ATR: variants seen among roughly 807,000 people sequenced by gnomAD.
The protein encoded by ATR is ATR checkpoint kinase.
A neutral mutation model predicts 305.3 loss-of-function variants in ATR; 142 were observed. That is an observed-to-expected ratio of 0.47 (90% CI 0.41 to 0.53). ATR has a LOEUF of 0.53. ATR is among the 20% of genes least tolerant of loss of function. The pLI is 0.00. For missense variants in ATR, 2,135 were observed against 3,133.1 expected, an observed-to-expected ratio of 0.68 and a Z score of 7.60; for synonymous variants, 1,050 against 1,068.1, an observed-to-expected ratio of 0.98 and a Z score of 0.33.
At chr3:142,576,629 T>C (rs1176639352) in intron 1 of ATR, among the ~76,000 whole-genome samples, 1 of 151,724 alleles carries the variant, frequency 6.6e-6, no homozygotes, top group African/African-American at 2.4e-5. Flanking sequence ...AGCTAGGACA[T>C]GTGGGGAATT....
intron 16 of ATR, among the ~76,000 whole-genome samples, chr3:142,544,145 G>A (rs2034169303): frequency 6.6e-6 from 1 of 152,012 alleles, no homozygotes; most frequent in Admixed American, 6.6e-5. Context: ...GCATAGAGTT[G>A]TTGTAAAGGC....
intron 30 of ATR, among the ~76,000 whole-genome samples, chr3:142,502,373 T>G (rs923937042): frequency 6.8e-6 from 1 of 148,022 alleles, no homozygotes; most frequent in African/African-American, 2.5e-5. Flanking sequence ...CACAATGGAA[T>G]ACTATGCAGC....
rs181810741 is a variant in ATR, at chr3:142,574,696, G to A, written c.59+3950C>T. Among the ~76,000 whole-genome samples the A allele has an allele frequency of 2.6e-5, 4 of 152,272 alleles. No homozygotes were observed. The East Asian group carries it at 7.7e-4, about 29-fold the overall frequency. Reference sequence around the variant, plus strand: ...GCCCTAAAATAATTTGCAGATTAAAGGACAAACAAGAGGTAATTATGGTTA... The same window carrying A: ...GCCCTAAAATAATTTGCAGATTAAAAGACAAACAAGAGGTAATTATGGTTA... On this transcript the variant is annotated intron_variant, in intron 1 of 46. Transcript: ENST00000350721.
chr3:142,549,796 A>C, intron 14 of ATR, 123 bp from the exon 15 acceptor site: 2 of 862,778 alleles, frequency 2.3e-6, no homozygotes, highest in Non-Finnish European at 3.7e-6. Flanking sequence ...CCATACTATA[A>C]AATATGTAAT....
chr3:142,487,373 G>A (rs1234913446), intron 35 of ATR, among the ~76,000 whole-genome samples: 3 of 152,176 alleles, frequency 2.0e-5, no homozygotes, highest in East Asian at 3.8e-4. Context: ...CTCAGCTCAA[G>A]CAATCCGCCT....
At chr3:142,546,932 G>A (rs985252278) in intron 16 of ATR, among the ~76,000 whole-genome samples, 7 of 152,132 alleles carry the variant, frequency 4.6e-5, no homozygotes, top group African/African-American at 9.7e-5. Context: ...ATGAACTTAT[G>A]TCTAGTATTC....
At position 142,562,787 on chromosome 3, in the gene ATR, A is replaced by G. The variant is rs751950727; in HGVS notation, c.615T>C (p.Ile205=). ...QLMSMQNLEF[I]EVTLLMVLTR... ...TAAGAACCATTAATAAAGTGACTTC[A>G]ATAAATTCTAAATTTTGCATACTCA... Residue 205 remains isoleucine, a synonymous_variant, in exon 4 of 47, where the codon ATT becomes ATC. Coordinates refer to ENST00000350721, the MANE Select transcript of ATR (RefSeq NM_001184.4). 1.2e-6 allele frequency: 2 copies of G among 1,607,164 alleles called. No individual in the cohort carries two copies. Among genetic ancestry groups the G allele is most frequent in the Admixed American group, 1.7e-5 (1 of 58,628 alleles).
rs117926957 is a variant in ATR, at chr3:142,553,344, C to T, written c.2688G>A (p.Leu896=). ...CAGAGACAGATGCTGACTTGGATAA[C>T]AAACAATGCAATAAGTGTAAGAGTG... ...PFALLHLLHC[L]LSKSASVSGA... The change falls in exon 13 of 47, where the codon TTG becomes TTA. Residue 896 remains leucine (L), a synonymous_variant. Transcript: ENST00000350721. 643 of 1,613,862 alleles carry T rather than the reference C, an allele frequency of 4.0e-4. 9 individuals are homozygous for T. The East Asian group carries it at 0.011, about 27-fold the overall frequency.
At position 142,518,425 on chromosome 3, in the gene ATR, G is replaced by A. The variant is rs150545475; in HGVS notation, c.4382+1244C>T. ...CCAGCTACTTGGGAGACTGAGGCAG[G>A]AGAATCACTTGAACCCAGGAGGTAG... On this transcript the variant is annotated intron_variant, in intron 24 of 46. Coordinates refer to ENST00000350721, the MANE Select transcript of ATR (RefSeq NM_001184.4). 6.1e-3 allele frequency among the ~76,000 whole-genome samples: 927 copies of A among 152,280 alleles called. 9 individuals carry two copies. The highest frequency in any genetic ancestry group is 0.02 in the African/African-American group (846 of 41,566).
rs1159930957 is a variant in ATR at position 142,553,253 on chromosome 3, T to C, written c.2779A>G (p.Ser927Gly). Reference protein sequence around the residue: ...AKSVKLQSFFSQYKKPICQFL... With the variant: ...AKSVKLQSFFGQYKKPICQFL... ...TGACAGATGGGTTTCTTATACTGGCTGAAAAAACTTTGCAGTTTAACACTT... is the reference window on the plus strand; with the variant it reads ...TGACAGATGGGTTTCTTATACTGGCCGAAAAAACTTTGCAGTTTAACACTT... Residue 927 changes from serine (S) to glycine (G), a missense_variant, in exon 13 of 47, where the codon AGC (serine) becomes GGC (glycine). Coordinates refer to ENST00000350721, the MANE Select transcript of ATR (RefSeq NM_001184.4). 1.9e-6 allele frequency: 3 copies of C among 1,614,062 alleles called. No individual in the cohort carries two copies. The highest frequency in any genetic ancestry group is 2.7e-5 in the African/African-American group (2 of 74,924).
rs1232235665 is a variant in ATR, at chr3:142,535,196, C to A, written c.3829G>T (p.Glu1277Ter). Reference sequence around the variant, plus strand: ...AGAGTTGTCTGAAGATCAGTGCTCTCAGAGGTCTCCTATATACAAAGCACA... The same window carrying A: ...AGAGTTGTCTGAAGATCAGTGCTCTAAGAGGTCTCCTATATACAAAGCACA... The part of the protein sequence containing the change: ...VLQEYRKETS[E>*]STDLQTTLQL... The change falls in exon 21 of 47, where the codon GAG becomes TAG. Residue 1277 changes from glutamate (E) to a stop codon, truncating the protein, a stop_gained. Transcript: ENST00000350721. LOFTEE classifies it high-confidence loss of function. The A allele has an allele frequency of 6.2e-7, 1 of 1,613,110 alleles. No homozygotes were observed. The highest frequency in any genetic ancestry group is 8.5e-7 in the Non-Finnish European group (1 of 1,179,368).
In ATR at chr3:142,457,033, A is replaced by G. The variant is rs199794714; in HGVS notation, c.7655+571T>C. Among the ~76,000 whole-genome samples the G allele has an allele frequency of 2.6e-5, 4 of 152,266 alleles. No individual in the cohort carries two copies. The East Asian group carries it at 7.7e-4, about 29-fold the overall frequency. On this transcript the variant is annotated intron_variant, in intron 45 of 46. Coordinates refer to ENST00000350721, the MANE Select transcript of ATR (RefSeq NM_001184.4). The stretch of plus-strand genomic sequence containing the variant: ...ACAGCCACACTATTTATAATACACA[A>G]AAGGTGGAAACAATCCAAATGTCTC...
intron 3 of ATR, among the ~76,000 whole-genome samples, chr3:142,565,733 T>TAAAAAA (rs55690216): frequency 1.3e-5 from 1 of 79,326 alleles, no homozygotes; most frequent in Admixed American, 1.6e-4. Context: ...CTGTCTTATT[T>TAAAAAA]AAAAAAAAAA....
Position 142,550,261 on chromosome 3 carries a change from A to G in ATR, c.2847T>C (p.Leu949=). ...CAGCATTCTGGCATGGAGTATTCGG[A>G]AGTGCTGTCATCTGACTAGAGTGAA... The part of the protein sequence containing the change: ...ESLHSSQMTA[L]PNTPCQNADV... The change falls in exon 14 of 47, where the codon CTT becomes CTC. Residue 949 remains leucine (L), a synonymous_variant. Transcript: ENST00000350721. 1 of 1,614,174 alleles carries G rather than the reference A, an allele frequency of 6.2e-7. No individual in the cohort carries two copies. The highest frequency in any genetic ancestry group is 8.5e-7 in the Non-Finnish European group (1 of 1,180,016).
At chr3:142,485,053 G>C (rs2030822334) in intron 36 of ATR, 87 bp downstream of exon 36, 6 of 1,564,144 alleles carry the variant, frequency 3.8e-6, no homozygotes, top group Non-Finnish European at 5.3e-6. Flanking sequence ...AAAATACCTA[G>C]AATATGCTAA....
At chr3:142,544,940 G>C (rs2108446191) in intron 16 of ATR, among the ~76,000 whole-genome samples, 1 of 152,254 alleles carries the variant, frequency 6.6e-6, no homozygotes, top group South Asian at 2.1e-4. Flanking sequence ...CTTTGGCATG[G>C]TAAGCCACAA....
At chr3:142,568,037 T>C in intron 2 of ATR, 26 bp downstream of exon 2, 1 of 1,526,644 alleles carries the variant, frequency 6.6e-7, no homozygotes, top group Non-Finnish European at 9.0e-7. Flanking sequence ...TTATAAAGTT[T>C]ATATAAGAAA....
chr3:142,499,571 G>A, intron 31 of ATR, 56 bp downstream of exon 31: 2 of 1,527,106 alleles, frequency 1.3e-6, no homozygotes, highest in Non-Finnish European at 1.8e-6. Context: ...TGGGATTACA[G>A]GCGTGAGCCA....
At position 142,568,105 on chromosome 3, in the gene ATR, G is replaced by T. The variant is rs2035133075; in HGVS notation, c.109C>A (p.Leu37Met). The change falls in exon 2 of 47, where the codon CTG becomes ATG. Residue 37 changes from leucine (L) to methionine (M), a missense_variant. This residue lies in a region of ATR where 744 missense variants were observed against 873.2 expected (regional missense o/e 0.85). Transcript: ENST00000350721. ...NTVVQKPRQI[L>M]CQFIDRILTD... Reference sequence around the variant, plus strand: ...AGTATCCGGTCAATGAATTGACACAGAATTTGTCTTGGCTTCTGTACAACT... The same window carrying T: ...AGTATCCGGTCAATGAATTGACACATAATTTGTCTTGGCTTCTGTACAACT... The T allele has an allele frequency of 6.2e-7, 1 of 1,612,552 alleles. No individual in the cohort carries two copies. The highest frequency in any genetic ancestry group is 1.3e-5 in the African/African-American group (1 of 74,896).
Sources: allele counts gnomAD v4.1 joint callset (sites outside exome capture counted in the v4.1 genomes callset), GRCh38; gene constraint gnomAD v4.1.1; regional missense constraint gnomAD v4.1.1; transcripts MANE v1.5; gene names NCBI Gene and HGNC (gene_info 2026-07-23, HGNC 2026-07-21).